ANXA8: variants seen among roughly 807,000 people sequenced by gnomAD.
ANXA8 encodes VAC-beta.
ANXA8 carries 9 observed loss-of-function variants against 26.8 expected under a neutral mutation model. The observed-to-expected ratio is 0.34, with a 90% CI of 0.20 to 0.59. ANXA8 has a LOEUF of 0.59. Ranked by LOEUF, ANXA8 falls within the 20% of genes least tolerant of loss-of-function variation. ANXA8 has a pLI of 0.84. For missense variants in ANXA8, 83 were observed against 238.5 expected (o/e 0.35, Z 4.29); for synonymous variants, 39 against 94.8 (o/e 0.41, Z 3.42).
the ANXA8 span, among the ~76,000 whole-genome samples, chr10:47,989,098 T>G: frequency 0.74 from 95,862 of 129,986 alleles, 33,581 homozygotes; most frequent in Non-Finnish European, 0.79. Context: ...CAGAAAGGGA[T>G]CTGGACTCCC....
chr10:47,591,422 CCTT>C, the ANXA8 span, among the ~76,000 whole-genome samples: 2 of 129,246 alleles, frequency 1.5e-5, no homozygotes, highest in African/African-American at 7.0e-5. Context: ...GATGTAGTAA[CCTT>C]CTTTCTGAAT....
the ANXA8 span, among the ~76,000 whole-genome samples, chr10:47,959,818 G>A: frequency 1.3e-5 from 2 of 150,662 alleles, no homozygotes; most frequent in African/African-American, 4.9e-5. Context: ...GACCCATAGA[G>A]TGAGGCATAT....
the ANXA8 span, among the ~76,000 whole-genome samples, chr10:47,594,191 A>G: frequency 5.3e-5 from 8 of 150,912 alleles, no homozygotes; most frequent in African/African-American, 2.0e-4. Context: ...GTGTGAGTCA[A>G]TGATCCTTAA....
the ANXA8 span, among the ~76,000 whole-genome samples, chr10:47,575,157 T>C: frequency 7.6e-6 from 1 of 131,566 alleles, no homozygotes; most frequent in Admixed American, 7.9e-5. Context: ...TGAGCTGAGA[T>C]TGTGCCATTG....
At chr10:47,614,271 C>T in the ANXA8 span, among the ~76,000 whole-genome samples, 4 of 73,500 alleles carry the variant, frequency 5.4e-5, 2 homozygotes, top group African/African-American at 1.6e-4. Context: ...ACATAGTAAA[C>T]AATTACAGAT....
chr10:47,925,847 T>C, the ANXA8 span, among the ~76,000 whole-genome samples: 1 of 139,118 alleles, frequency 7.2e-6, no homozygotes. Context: ...CAGTTTTGGT[T>C]GTCTGTCTCA....
intron 6 of ANXA8, 147 bp from the exon 7 acceptor site, chr10:47,475,151 C>A: frequency 7.4e-7 from 1 of 1,352,192 alleles, no homozygotes; most frequent in Non-Finnish European, 1.0e-6. Flanking sequence ...CTCTTCAGCC[C>A]TTGGTTTCCT....
chr10:47,623,052 T>C, the ANXA8 span, among the ~76,000 whole-genome samples: 4 of 112,780 alleles, frequency 3.5e-5, 1 homozygote, highest in Non-Finnish European at 7.8e-5. Flanking sequence ...CTTTCCTTTA[T>C]TTTTCTTACT....
the ANXA8 span, among the ~76,000 whole-genome samples, chr10:47,628,094 T>C: frequency 7.8e-3 from 1,176 of 150,098 alleles, 1 homozygote; most frequent in Middle Eastern, 0.017. Flanking sequence ...AAGGATGTTA[T>C]GTCACTTGCA....
chr10:47,755,555 CTTT>C, the ANXA8 span, among the ~76,000 whole-genome samples: 19 of 82,990 alleles, frequency 2.3e-4, no homozygotes, highest in South Asian at 1.8e-3. Flanking sequence ...GTGCCCGGCC[CTTT>C]TTTTTTTTTT....
the ANXA8 span, among the ~76,000 whole-genome samples, chr10:47,711,610 G>A: frequency 6.8e-6 from 1 of 147,946 alleles, no homozygotes; most frequent in South Asian, 2.1e-4. Context: ...GGTTGAGCAA[G>A]CTGACAAACA....
chr10:47,743,343 T>TATATATATAC, the ANXA8 span, among the ~76,000 whole-genome samples: 1,120 of 14,366 alleles, frequency 0.078, 92 homozygotes, highest in African/African-American at 0.16. Context: ...TATATATACA[T>TATATATATAC]ATATATATAT....
the ANXA8 span, among the ~76,000 whole-genome samples, chr10:47,918,387 A>AG: frequency 1.5e-4 from 2 of 13,280 alleles, no homozygotes; most frequent in African/African-American, 1.4e-3. Flanking sequence ...GAGAGAGAGA[A>AG]AGAAAGAAAG....
the ANXA8 span, among the ~76,000 whole-genome samples, chr10:47,733,219 T>TTCTTTCTTTCTCTCTCTCTCTCTC: frequency 1.5e-5 from 1 of 68,100 alleles, no homozygotes; most frequent in Non-Finnish European, 3.1e-5. Context: ...CTTTCTTTCT[T>TTCTTTCTTTCTCTCTCTCTCTCTC]TCTCTTTCTT....
upstream of ANXA8, among the ~76,000 whole-genome samples, chr10:47,485,653 A>G (rs1436132445): frequency 6.6e-6 from 1 of 151,958 alleles, no homozygotes; most frequent in Non-Finnish European, 1.5e-5. Flanking sequence ...ATATTTTTAC[A>G]AATTACTTCT....
chr10:47,525,951 T>A, the ANXA8 span, among the ~76,000 whole-genome samples: 1 of 134,998 alleles, frequency 7.4e-6, no homozygotes, highest in East Asian at 3.0e-4. Context: ...ATTGCAGGCA[T>A]GCGTCACCAT....
At chr10:47,975,758 G>A in the ANXA8 span, among the ~76,000 whole-genome samples, 46 of 149,898 alleles carry the variant, frequency 3.1e-4, 2 homozygotes, top group Admixed American at 2.1e-3. Context: ...ACACAGACAC[G>A]CCTCTAAACT....
At chr10:47,978,123 CT>C in the ANXA8 span, among the ~76,000 whole-genome samples, 1 of 152,106 alleles carries the variant, frequency 6.6e-6, no homozygotes, top group Non-Finnish European at 1.5e-5. Context: ...CAACTGACTT[CT>C]TATCAAAACC....
At chr10:47,481,570 G>A (rs1290768826) in intron 1 of ANXA8, among the ~76,000 whole-genome samples, 5 of 151,464 alleles carry the variant, frequency 3.3e-5, no homozygotes, top group Non-Finnish European at 7.4e-5. Context: ...GCACTCGGGG[G>A]CTGTGGTGCA....
Sources: allele counts gnomAD v4.1 joint callset (sites outside exome capture counted in the v4.1 genomes callset), GRCh38; gene constraint gnomAD v4.1.1; transcripts MANE v1.5; gene names NCBI Gene and HGNC (gene_info 2026-07-23, HGNC 2026-07-21).